FNDC3B: variants seen among roughly 807,000 people sequenced by gnomAD.
The protein encoded by FNDC3B is fibronectin type III domain containing 3B.
FNDC3B carries 12 observed loss-of-function variants against 151.5 expected under a neutral mutation model. The ratio of observed to expected loss-of-function variants is 0.08; its 90% CI spans 0.05 to 0.13. The LOEUF (loss-of-function observed/expected upper bound fraction) is 0.13, where lower values mean the gene tolerates loss of function less well. FNDC3B is among the 10% of genes least tolerant of loss of function. FNDC3B has a pLI of 1.00. For missense variants in FNDC3B, 1,214 were observed against 1,505.3 expected (o/e 0.81, Z 3.20); for synonymous variants, 528 against 549.0 (o/e 0.96, Z 0.54).
At chr3:172,167,990 C>T (rs1723092061) in intron 3 of FNDC3B, among the ~76,000 whole-genome samples, 1 of 152,184 alleles carries the variant, frequency 6.6e-6, no homozygotes, top group African/African-American at 2.4e-5. Flanking sequence ...TTACACCTCT[C>T]TGAAAAAGTG....
rs555504944 is a variant in FNDC3B, at chr3:172,338,902, A to AT, written c.1852+1509dup. ...CAGACGCCCACCACTAGGCCGGCTA[A>AT]TTTTTTTTGAATTTTTAGTAGAGAC... is the stretch of plus-strand genomic sequence containing the variant. On this transcript the variant is annotated intron_variant, in intron 16 of 25. Coordinates refer to ENST00000415807, the MANE Select transcript of FNDC3B (RefSeq NM_022763.4). 3.6e-4 allele frequency among the ~76,000 whole-genome samples: 54 copies of AT among 151,762 alleles called. 1 individual carries two copies. In the East Asian group the frequency reaches 9.7e-3, roughly 27 times the overall value.
At chr3:172,272,112 T>G (rs552000266) in intron 6 of FNDC3B, among the ~76,000 whole-genome samples, 88 of 152,314 alleles carry the variant, frequency 5.8e-4, no homozygotes, top group African/African-American at 1.8e-3. Flanking sequence ...GGAGAGATTA[T>G]AAACCTGTGT....
chr3:172,057,868 G>C (rs1048505403), intron 1 of FNDC3B, among the ~76,000 whole-genome samples: 2 of 151,424 alleles, frequency 1.3e-5, no homozygotes, highest in Admixed American at 6.6e-5. Context: ...AGTGGCCCCT[G>C]GCTGGAAATG....
rs1038011817 is a variant in FNDC3B, at chr3:172,040,275, G to A, written c.-29+504G>A. ...AGATTTCCATATGGTGGAGGGAAGA[G>A]GGCGGGAGTGCGAAGTGGGGCTGGA... On this transcript the variant is annotated intron_variant, in intron 1 of 25. Coordinates refer to ENST00000415807, the MANE Select transcript of FNDC3B (RefSeq NM_022763.4). This position sits in a 1 kb window ranked among gnomAD's most constrained non-coding sequence, Gnocchi z 6.6. 6.6e-6 allele frequency among the ~76,000 whole-genome samples: 1 copy of A among 152,056 alleles called. No homozygotes were observed. Among genetic ancestry groups the A allele is most frequent in the African/African-American group, 2.4e-5 (1 of 41,426 alleles).
intron 3 of FNDC3B, among the ~76,000 whole-genome samples, chr3:172,150,669 G>T (rs1257878237): frequency 2.6e-5 from 4 of 151,694 alleles, no homozygotes; most frequent in African/African-American, 9.7e-5. Context: ...TCCTTTTTCA[G>T]GAGATGTGAA....
chr3:172,276,081 G>T (rs768378235), intron 6 of FNDC3B, among the ~76,000 whole-genome samples: 1 of 152,190 alleles, frequency 6.6e-6, no homozygotes, highest in Non-Finnish European at 1.5e-5. Context: ...GAAATGTTTA[G>T]ATGGTTTTCT....
chr3:172,173,667 A>T (rs995467593), intron 3 of FNDC3B, among the ~76,000 whole-genome samples: 2 of 151,892 alleles, frequency 1.3e-5, no homozygotes, highest in African/African-American at 2.4e-5. Context: ...TAAAAATAAA[A>T]AAAATTAGCC....
At chr3:172,270,823 T>A in intron 6 of FNDC3B, among the ~76,000 whole-genome samples, 1 of 152,254 alleles carries the variant, frequency 6.6e-6, no homozygotes, top group East Asian at 1.9e-4. Flanking sequence ...ATCTAAAAAA[T>A]TTCATTTTAT....
chr3:172,378,296 G>C lies in FNDC3B; in HGVS notation c.3035G>C (p.Ser1012Thr). Residue 1012 changes from serine to threonine, a missense_variant, in exon 24 of 26, where the codon AGC becomes ACC. By Grantham distance (58) the Ser-to-Thr change is moderately conservative (BLOSUM62 1). Around this residue, in one of 7 missense-constraint regions of FNDC3B, gnomAD observed 284 missense variants for 392.4 expected, o/e 0.72. Coordinates refer to ENST00000415807, the MANE Select transcript of FNDC3B (RefSeq NM_022763.4). Reference sequence around the variant, plus strand: ...TTTATTTCAATCTACAGAGGACCCAGCCACACCTACAAGGTCCAGAGACTG... The same window carrying C: ...TTTATTTCAATCTACAGAGGACCCACCCACACCTACAAGGTCCAGAGACTG... Reference protein sequence around the residue: ...KRFISIYRGPSHTYKVQRLTE... With the variant: ...KRFISIYRGPTHTYKVQRLTE... 1 of 1,609,804 alleles carries C rather than the reference G, an allele frequency of 6.2e-7. No homozygotes were observed. Among genetic ancestry groups the C allele is most frequent in the Admixed American group, 1.7e-5 (1 of 58,758 alleles).
intron 2 of FNDC3B, among the ~76,000 whole-genome samples, chr3:172,125,005 T>C (rs555542482): frequency 2.4e-4 from 37 of 152,166 alleles, no homozygotes; most frequent in Non-Finnish European, 3.8e-4. Context: ...AACCCACTTA[T>C]CTCCTCTTCC....
intron 22 of FNDC3B, 143 bp downstream of exon 22, chr3:172,353,226 T>C: frequency 1.2e-6 from 1 of 819,980 alleles, no homozygotes. Context: ...CTCACCTTGA[T>C]CCCTCAGGCC....
rs1716332577 is a variant in FNDC3B at position 172,045,787 on chromosome 3, TC to T, written c.-29+6017del. ...GAGTGTCTCTCTCTCTCTCTCTCTCTCTCTCTCTATATATATATATACACTT... is the reference window on the plus strand; with the variant it reads ...GAGTGTCTCTCTCTCTCTCTCTCTCTTCTCTCTATATATATATATACACTT... On this transcript the variant is annotated intron_variant, in intron 1 of 25. Coordinates refer to ENST00000415807, the MANE Select transcript of FNDC3B (RefSeq NM_022763.4). 8.6e-5 allele frequency among the ~76,000 whole-genome samples: 13 copies of T among 150,570 alleles called. No individual in the cohort carries two copies. In the South Asian group the frequency reaches 2.7e-3, roughly 32 times the overall value.
chr3:172,322,951 T>C (rs1732163136), intron 11 of FNDC3B, among the ~76,000 whole-genome samples: 1 of 152,226 alleles, frequency 6.6e-6, no homozygotes, highest in Non-Finnish European at 1.5e-5. Flanking sequence ...TGTCTCTGCC[T>C]CAGTTGTACT....
chr3:172,058,000 A>G (rs777573607), intron 1 of FNDC3B, among the ~76,000 whole-genome samples: 53 of 151,950 alleles, frequency 3.5e-4, no homozygotes, highest in Non-Finnish European at 6.2e-4. Context: ...CTGAATCTCT[A>G]TTATTGAGAC....
chr3:172,156,402 C>T (rs1722486713), intron 3 of FNDC3B, among the ~76,000 whole-genome samples: 1 of 152,204 alleles, frequency 6.6e-6, no homozygotes, highest in Non-Finnish European at 1.5e-5. Context: ...GTGGCCATTC[C>T]CTCTGGTCTT....
At chr3:172,189,445 T>A (rs1007437330) in intron 3 of FNDC3B, among the ~76,000 whole-genome samples, 2 of 152,186 alleles carry the variant, frequency 1.3e-5, no homozygotes, top group Admixed American at 1.3e-4. Context: ...AACGAGGTAG[T>A]CTGTTCTATT....
rs751424810 is a variant in FNDC3B at position 172,344,264 on chromosome 3, T to TATA, written c.2250+8_2250+10dup. 25 of 1,611,192 alleles carry TATA rather than the reference T, an allele frequency of 1.6e-5. 1 individual carries two copies. In the South Asian group the frequency reaches 2.4e-4, roughly 16 times the overall value. On this transcript the variant is annotated splice_region_variant and intron_variant, in intron 19 of 25. Coordinates refer to ENST00000415807, the MANE Select transcript of FNDC3B (RefSeq NM_022763.4). Reference sequence around the variant, plus strand: ...GGGCTCTGAATGATGGAGGGGTGAGTATAAGCCCATACACCATAACCAGAA... The same window carrying TATA: ...GGGCTCTGAATGATGGAGGGGTGAGTATAATAAGCCCATACACCATAACCAGAA...
intron 1 of FNDC3B, among the ~76,000 whole-genome samples, chr3:172,064,830 G>C (rs1173423617): frequency 6.6e-6 from 1 of 152,232 alleles, no homozygotes; most frequent in African/African-American, 2.4e-5. Context: ...CATCACTGCA[G>C]TACCTGGCGC....
At chr3:172,311,897 AG>A (rs1448421252) in intron 11 of FNDC3B, among the ~76,000 whole-genome samples, 3 of 150,490 alleles carry the variant, frequency 2.0e-5, no homozygotes, top group Non-Finnish European at 4.4e-5. Context: ...AAAAAAAAAA[AG>A]CAACTGTACT....
Sources: gnomAD v4.1 joint callset for allele counts (sites outside exome capture counted in the v4.1 genomes callset) on GRCh38, gnomAD v4.1.1 for gene constraint, gnomAD v4.1.1 regional missense constraint, Gnocchi (gnomAD v3.1) non-coding constraint, MANE v1.5 for transcripts, NCBI Gene and HGNC (gene_info 2026-07-23, HGNC 2026-07-21) for gene names.